GPR137C: variants seen among roughly 807,000 people sequenced by gnomAD.
GPR137C encodes G protein-coupled receptor 137C.
Under a neutral mutation model 43.4 loss-of-function variants are expected in GPR137C, and 27 were observed. That is an observed-to-expected ratio of 0.62 (90% CI 0.46 to 0.86). The LOEUF is 0.86. Ranked by LOEUF, GPR137C falls within the 40% of genes least tolerant of loss-of-function variation. The pLI is 0.00. For missense variants in GPR137C, 522 were observed against 534.6 expected (o/e 0.98, Z 0.23); for synonymous variants, 285 against 226.9 (o/e 1.26, Z -2.30).
chr14:52,560,072 A>G (rs2038257002), intron 1 of GPR137C, among the ~76,000 whole-genome samples: 1 of 152,138 alleles, frequency 6.6e-6, no homozygotes, highest in African/African-American at 2.4e-5. Flanking sequence ...TGGGAGGATC[A>G]CTTGAGTCCA....
chr14:52,593,443 G>A lies in GPR137C; in HGVS notation c.445-4829G>A, dbSNP rs149238020. ...TTTGTACCTCTGGTAGAATTCGGCT[G>A]TGAATCCATCTGGTCCTGGACGTTT... is the stretch of plus-strand genomic sequence containing the variant. On this transcript the variant is annotated intron_variant, in intron 1 of 6. Transcript: ENST00000321662. Among the ~76,000 whole-genome samples, 87 of 152,310 alleles carry A rather than the reference G, an allele frequency of 5.7e-4. No homozygotes were observed. The East Asian group carries it at 0.016, about 27-fold the overall frequency.
intron 1 of GPR137C, among the ~76,000 whole-genome samples, chr14:52,554,142 G>A (rs925093422): frequency 1.3e-5 from 2 of 152,078 alleles, no homozygotes; most frequent in Admixed American, 6.5e-5. Flanking sequence ...CATAAATTTC[G>A]TTCGATAGTT....
chr14:52,572,424 A>G (rs1046229474), intron 1 of GPR137C, among the ~76,000 whole-genome samples: 4 of 152,202 alleles, frequency 2.6e-5, no homozygotes, highest in Admixed American at 6.5e-5. Context: ...TCATCCCTGG[A>G]ATGCAAGGCT....
chr14:52,632,907 A>G (rs1044480642), intron 4 of GPR137C, among the ~76,000 whole-genome samples: 17 of 152,064 alleles, frequency 1.1e-4, no homozygotes, highest in African/African-American at 4.1e-4. Context: ...ACATAGCTAT[A>G]TGTCATATCT....
At chr14:52,600,835 T>G (rs1055977910) in intron 3 of GPR137C, among the ~76,000 whole-genome samples, 1 of 152,212 alleles carries the variant, frequency 6.6e-6, no homozygotes, top group African/African-American at 2.4e-5. Context: ...AAAATCATGC[T>G]AGCATCTTAA....
At chr14:52,630,165 G>C (rs2039278268) in intron 3 of GPR137C, among the ~76,000 whole-genome samples, 1 of 152,072 alleles carries the variant, frequency 6.6e-6, no homozygotes, top group Non-Finnish European at 1.5e-5. Context: ...TTGACTAGAG[G>C]TTGTTTTGTT....
At position 52,578,699 on chromosome 14, in the gene GPR137C, G is replaced by A. The variant is rs564660375; in HGVS notation, c.445-19573G>A. On this transcript the variant is annotated intron_variant, in intron 1 of 6. Transcript: ENST00000321662. ...ACCTGTAATCCCAGCACTTTGGGAG[G>A]CTGAGGTGGGCGGATCACCTGAGCA... Among the ~76,000 whole-genome samples, 13 of 152,226 alleles carry A rather than the reference G, an allele frequency of 8.5e-5. No homozygotes were observed. In the East Asian group the frequency reaches 1.5e-3, roughly 18 times the overall value.
chr14:52,569,704 C>T (rs1402101392), intron 1 of GPR137C, among the ~76,000 whole-genome samples: 1 of 151,348 alleles, frequency 6.6e-6, no homozygotes. Context: ...GATTGAAGAT[C>T]AACTTAATGA....
chr14:52,608,491 TTCTG>T (rs1328864205), intron 3 of GPR137C, among the ~76,000 whole-genome samples: 19 of 152,232 alleles, frequency 1.2e-4, no homozygotes, highest in African/African-American at 4.1e-4. Context: ...TTTTTAATAC[TTCTG>T]TCTTTTAGTC....
chr14:52,569,280 C>T (rs1362329781), intron 1 of GPR137C, among the ~76,000 whole-genome samples: 1 of 152,012 alleles, frequency 6.6e-6, no homozygotes, highest in Non-Finnish European at 1.5e-5. Flanking sequence ...AAAACCCCAT[C>T]TGAAGAGCAC....
intron 1 of GPR137C, among the ~76,000 whole-genome samples, chr14:52,584,581 C>T (rs1487149204): frequency 6.6e-6 from 1 of 152,076 alleles, no homozygotes. Context: ...CTCCTGACTC[C>T]CTTTTGTTAA....
chr14:52,599,434 C>CTTTTTTT (rs376009711), intron 2 of GPR137C, among the ~76,000 whole-genome samples: 1 of 139,728 alleles, frequency 7.2e-6, no homozygotes, highest in Non-Finnish European at 1.5e-5. Context: ...TTTTTTTTTC[C>CTTTTTTT]TTTTTTTTTT....
intron 3 of GPR137C, among the ~76,000 whole-genome samples, chr14:52,608,518 A>G (rs1239921872): frequency 6.6e-6 from 1 of 152,172 alleles, no homozygotes; most frequent in Non-Finnish European, 1.5e-5. Context: ...CTTAGTAAAT[A>G]TATAAGTGGT....
intron 3 of GPR137C, among the ~76,000 whole-genome samples, chr14:52,623,518 A>G (rs2039184501): frequency 6.6e-6 from 1 of 152,164 alleles, no homozygotes; most frequent in African/African-American, 2.4e-5. Context: ...TACATCTAAA[A>G]TTTGAATTCC....
At chr14:52,589,180 A>G (rs1190789827) in intron 1 of GPR137C, among the ~76,000 whole-genome samples, 1 of 152,214 alleles carries the variant, frequency 6.6e-6, no homozygotes, top group African/African-American at 2.4e-5. Context: ...TAGTAGTTAA[A>G]TTCATAAGGA....
At position 52,634,973 on chromosome 14, in the gene GPR137C, C is replaced by T; in HGVS notation, c.1148C>T (p.Thr383Ile). 1 of 1,612,552 alleles carries T rather than the reference C, an allele frequency of 6.2e-7. No homozygotes were observed. Among genetic ancestry groups the T allele is most frequent in the Non-Finnish European group, 8.5e-7 (1 of 1,179,276 alleles). Residue 383 changes from threonine to isoleucine, a missense_variant, in exon 7 of 7, where the codon ACC (threonine) becomes ATC (isoleucine). By Grantham distance (89) the Thr-to-Ile change is moderately conservative. This residue lies in a region of GPR137C where 67 missense variants were observed against 69.0 expected (regional missense o/e 0.97). Transcript: ENST00000321662. ...PNSQSLGWYG[T>I]MTGCGSSSYT... ...TCGCAAAGTTTGGGCTGGTATGGCACCATGACTGGGTGTGGCAGCAGCAGT... is the reference window on the plus strand; with the variant it reads ...TCGCAAAGTTTGGGCTGGTATGGCATCATGACTGGGTGTGGCAGCAGCAGT...
intron 3 of GPR137C, among the ~76,000 whole-genome samples, chr14:52,605,327 A>G (rs1445523762): frequency 6.6e-6 from 1 of 151,946 alleles, no homozygotes; most frequent in Non-Finnish European, 1.5e-5. Context: ...AATGAGATTG[A>G]TTTCTTGATT....
intron 1 of GPR137C, among the ~76,000 whole-genome samples, chr14:52,555,383 T>TATATA (rs2038177091): frequency 6.6e-6 from 1 of 152,160 alleles, no homozygotes; most frequent in Non-Finnish European, 1.5e-5. Flanking sequence ...TACACCCATG[T>TATATA]TACCACCACC....
chr14:52,564,611 A>T (rs1441361314), intron 1 of GPR137C, among the ~76,000 whole-genome samples: 4 of 152,062 alleles, frequency 2.6e-5, no homozygotes, highest in Non-Finnish European at 5.9e-5. Flanking sequence ...AAAATTATAG[A>T]CTAGTAGAGG....
Sources: allele counts gnomAD v4.1 joint callset (sites outside exome capture counted in the v4.1 genomes callset), GRCh38; gene constraint gnomAD v4.1.1; regional missense constraint gnomAD v4.1.1; transcripts MANE v1.5; gene names NCBI Gene and HGNC (gene_info 2026-07-23, HGNC 2026-07-21).